PUDP: variants seen among roughly 807,000 people sequenced by gnomAD.
PUDP encodes pseudouridine-5'-phosphatase.
PUDP carries 8 observed loss-of-function variants against 9.4 expected under a neutral mutation model. The ratio of observed to expected loss-of-function variants is 0.85; its 90% CI spans 0.50 to 1.53. The LOEUF (loss-of-function observed/expected upper bound fraction) is 1.53, where lower values mean the gene tolerates loss of function less well. Among genes scored for constraint, PUDP ranks in the 40% most tolerant of loss-of-function variants. The pLI is 0.00. For missense variants in PUDP, 188 were observed against 189.7 expected (o/e 0.99, Z 0.05); for synonymous variants, 99 against 80.7 (o/e 1.23, Z -1.22).
At chrX:6,885,984 T>C (rs1927416049) in intron 3 of PUDP, among the ~76,000 whole-genome samples, 1 of 112,208 alleles carries the variant, frequency 8.9e-6, no homozygotes, top group Non-Finnish European at 1.9e-5. Flanking sequence ...GTTTTTCTGC[T>C]GTACAAACAT....
intron 3 of PUDP, among the ~76,000 whole-genome samples, chrX:7,051,150 G>A (rs1359265684): frequency 7.2e-5 from 8 of 111,380 alleles, no homozygotes; most frequent in East Asian, 2.8e-4. Flanking sequence ...ACCAACCTAA[G>A]TGCCCATCCA....
intron 3 of PUDP, among the ~76,000 whole-genome samples, chrX:6,895,755 C>T (rs759227071): frequency 1.8e-5 from 2 of 111,261 alleles, no homozygotes; most frequent in Non-Finnish European, 3.8e-5. Flanking sequence ...AATAAAATAC[C>T]ATAGACTAGG....
intron 2 of PUDP, among the ~76,000 whole-genome samples, chrX:7,086,631 T>C (rs1213722846): frequency 8.9e-6 from 1 of 112,012 alleles, no homozygotes; most frequent in East Asian, 2.8e-4. Flanking sequence ...ATCATTGATT[T>C]TGGCAGAGCA....
At chrX:6,910,284 T>C (rs1206889825) in intron 3 of PUDP, among the ~76,000 whole-genome samples, 1 of 112,096 alleles carries the variant, frequency 8.9e-6, no homozygotes, top group East Asian at 2.8e-4. Context: ...TTTTAACCCA[T>C]GTATGATAGC....
chrX:7,002,053 C>T (rs1394706461), intron 1 of PUDP, among the ~76,000 whole-genome samples: 1 of 111,480 alleles, frequency 9.0e-6, no homozygotes, highest in Admixed American at 9.5e-5. Flanking sequence ...ATTTGCAACA[C>T]GTAAGTCACC....
At chrX:6,717,269 A>G (rs948776135) in intron 1 of PUDP, among the ~76,000 whole-genome samples, 5 of 110,967 alleles carry the variant, frequency 4.5e-5, no homozygotes, top group African/African-American at 1.6e-4. Flanking sequence ...TCAGAATGAT[A>G]CCCTTGGGTT....
intron 1 of PUDP, among the ~76,000 whole-genome samples, chrX:7,126,686 T>C (rs1330515574): frequency 9.0e-6 from 1 of 111,091 alleles, no homozygotes; most frequent in African/African-American, 3.3e-5. Context: ...TAGGACATTG[T>C]TTAGCCCTTT....
At chrX:6,924,284 T>C (rs1387303952) in intron 3 of PUDP, among the ~76,000 whole-genome samples, 1 of 111,859 alleles carries the variant, frequency 8.9e-6, no homozygotes, top group Non-Finnish European at 1.9e-5. Flanking sequence ...CTATTGTATC[T>C]CTTATGACAA....
chrX:6,770,843 T>C (rs1925353129), intron 3 of PUDP, among the ~76,000 whole-genome samples: 1 of 111,584 alleles, frequency 9.0e-6, no homozygotes, highest in South Asian at 3.8e-4. Flanking sequence ...AAAGCAAATA[T>C]CTCTCATTAC....
At chrX:6,761,215 G>A (rs1280034341) in intron 3 of PUDP, among the ~76,000 whole-genome samples, 1 of 111,360 alleles carries the variant, frequency 9.0e-6, no homozygotes, top group Non-Finnish European at 1.9e-5. Context: ...ATTCCTGTAC[G>A]GTCTTATTTC....
At chrX:7,064,636 AC>A (rs1416728736) in intron 3 of PUDP, among the ~76,000 whole-genome samples, 1 of 111,172 alleles carries the variant, frequency 9.0e-6, no homozygotes, top group East Asian at 2.8e-4. Flanking sequence ...TCATGCTGGA[AC>A]CTTCTTTCTA....
At chrX:7,118,227 A>T (rs755904738) in intron 1 of PUDP, among the ~76,000 whole-genome samples, 20 of 112,571 alleles carry the variant, frequency 1.8e-4, no homozygotes, top group African/African-American at 6.1e-4. Context: ...AATGTATAGC[A>T]GAAAGACACT....
intron 3 of PUDP, among the ~76,000 whole-genome samples, chrX:6,858,335 C>CTTTTTTTTTTTTT (rs113300792): frequency 1.5e-5 from 1 of 67,765 alleles, no homozygotes; most frequent in Non-Finnish European, 2.8e-5. Flanking sequence ...TTTTTTTTTT[C>CTTTTTTTTTTTTT]TTTTTTTTTT....
At chrX:6,707,604 G>A in intron 1 of PUDP, among the ~76,000 whole-genome samples, 1 of 110,922 alleles carries the variant, frequency 9.0e-6, no homozygotes, top group East Asian at 2.9e-4. Context: ...TTCACAACAG[G>A]GTTCGCACTC....
At chrX:6,841,006 C>T (rs1453143489) in intron 3 of PUDP, among the ~76,000 whole-genome samples, 3 of 111,994 alleles carry the variant, frequency 2.7e-5, no homozygotes, top group South Asian at 3.7e-4. Context: ...AGGTTGGGCG[C>T]GGAGGCTCAC....
chrX:6,819,728 A>G (rs1224501023), intron 3 of PUDP, among the ~76,000 whole-genome samples: 3 of 111,836 alleles, frequency 2.7e-5, no homozygotes, highest in Admixed American at 1.9e-4. Context: ...TTGTAAAAGA[A>G]TTTTCCTTTT....
At chrX:6,847,879 T>C (rs1926772390) in intron 3 of PUDP, among the ~76,000 whole-genome samples, 1 of 111,568 alleles carries the variant, frequency 9.0e-6, no homozygotes, top group South Asian at 3.8e-4. Context: ...ATAGTAGTGA[T>C]TGGGTCAAAG....
In PUDP at chrX:6,830,306, C is replaced by T. The variant is rs748095785; in HGVS notation, c.*248-123840G>A. On this transcript the variant is annotated intron_variant and NMD_transcript_variant, in intron 3 of 3. Coordinates refer to the PUDP transcript ENST00000655425. Reference sequence around the variant, plus strand: ...ACACCAAGATGTAATTGGCATTTTTCGTTTTCTGAAGTAAAATGATAAAGG... The same window carrying T: ...ACACCAAGATGTAATTGGCATTTTTTGTTTTCTGAAGTAAAATGATAAAGG... Among the ~76,000 whole-genome samples, 7 of 110,052 alleles carry T rather than the reference C, an allele frequency of 6.4e-5. No homozygotes were observed. In the South Asian group the frequency reaches 1.2e-3, roughly 18 times the overall value.
chrX:6,731,512 A>G (rs973590116), intron 3 of PUDP, among the ~76,000 whole-genome samples: 4 of 111,648 alleles, frequency 3.6e-5, no homozygotes, highest in African/African-American at 1.3e-4. Flanking sequence ...CATTTCAAAT[A>G]CCCTTGAAAA....
Sources: gnomAD v4.1 joint callset for allele counts (sites outside exome capture counted in the v4.1 genomes callset) on GRCh38, gnomAD v4.1.1 for gene constraint, MANE v1.5 for transcripts, NCBI Gene and HGNC (gene_info 2026-07-23, HGNC 2026-07-21) for gene names.